Variants in MBNL1 observed in about 807,000 individuals in gnomAD.
MBNL1 encodes muscleblind like splicing regulator 1.
In MBNL1, 8 loss-of-function variants were observed where a neutral mutation model predicts 42.2. The ratio of observed to expected loss-of-function variants is 0.19; its 90% CI spans 0.11 to 0.34. The LOEUF (loss-of-function observed/expected upper bound fraction) is 0.34. Among genes scored for constraint, MBNL1 ranks in the 10% least tolerant of loss-of-function variants. The pLI is 1.00. For missense variants in MBNL1, 309 were observed against 495.3 expected (o/e 0.62, Z 3.57); for synonymous variants, 169 against 173.9 (o/e 0.97, Z 0.22).
At chr3:152,405,257 C>T (rs2686578) in intron 2 of MBNL1, among the ~76,000 whole-genome samples, 8,024 of 152,196 alleles carry the variant, frequency 0.053, 304 homozygotes, top group South Asian at 0.12. Context: ...CATATCCCTA[C>T]AGTAATGATT....
chr3:152,289,977 A>G (rs1053997796), intron 1 of MBNL1, among the ~76,000 whole-genome samples: 1 of 152,060 alleles, frequency 6.6e-6, no homozygotes, highest in African/African-American at 2.4e-5. Context: ...TTGTATTCTG[A>G]AAAATAATTA....
intron 2 of MBNL1, among the ~76,000 whole-genome samples, chr3:152,384,476 CTT>C (rs1269689958): frequency 6.6e-6 from 1 of 152,090 alleles, no homozygotes; most frequent in Non-Finnish European, 1.5e-5. Context: ...AAAAATCACA[CTT>C]GATTGCCATT....
At chr3:152,332,847 A>G (rs535807507) in intron 2 of MBNL1, among the ~76,000 whole-genome samples, 50 of 152,240 alleles carry the variant, frequency 3.3e-4, no homozygotes, top group African/African-American at 1.2e-3. Context: ...AACTAAAGAA[A>G]TAGCTTGGTT....
At position 152,456,354 on chromosome 3, in the gene MBNL1, C is replaced by T; in HGVS notation, c.1085C>T (p.Ala362Val). ...TSVPFAATAT[A>V]NQIPIISAEH... The stretch of plus-strand genomic sequence containing the variant: ...GTTCCCTTCGCTGCAACAGCCACAG[C>T]CAACCAGGTTTGCTAATTTACAGCT... The change falls in exon 8 of 10, where the codon GCC (alanine) becomes GTC (valine). Residue 362 changes from alanine (A) to valine (V), a missense_variant. By Grantham distance (64) the Ala-to-Val change is moderately conservative. Transcript: ENST00000324210. 6.2e-7 allele frequency: 1 copy of T among 1,613,740 alleles called. No individual in the cohort carries two copies. The highest frequency in any genetic ancestry group is 1.3e-5 in the African/African-American group (1 of 75,024).
At chr3:152,275,707 CAAAAAAAAAAAAAA>C (rs60796721) in intron 1 of MBNL1, among the ~76,000 whole-genome samples, 1 of 29,644 alleles carries the variant, frequency 3.4e-5, no homozygotes, top group African/African-American at 1.8e-4. Context: ...ACTCTTGTCT[CAAAAAAAAAAAAAA>C]AAAAAAAAAA....
At chr3:152,318,800 A>C (rs929757866) in intron 2 of MBNL1, among the ~76,000 whole-genome samples, 4 of 152,170 alleles carry the variant, frequency 2.6e-5, no homozygotes, top group African/African-American at 9.6e-5. Flanking sequence ...GAAGAACAGA[A>C]GTAAAATCAA....
At chr3:152,411,514 C>A (rs188691732) in intron 2 of MBNL1, among the ~76,000 whole-genome samples, 1 of 151,948 alleles carries the variant, frequency 6.6e-6, no homozygotes, top group Non-Finnish European at 1.5e-5. Context: ...AGCAAGACTC[C>A]GTCTCAAAAA....
chr3:152,351,388 C>T (rs757412348), intron 2 of MBNL1, among the ~76,000 whole-genome samples: 158 of 152,102 alleles, frequency 1.0e-3, no homozygotes, highest in Non-Finnish European at 1.9e-3. Flanking sequence ...TCTTACATAG[C>T]AAAAATAACT....
intron 2 of MBNL1, among the ~76,000 whole-genome samples, chr3:152,254,641 A>T (rs1334760908): frequency 6.6e-6 from 1 of 152,138 alleles, no homozygotes; most frequent in Non-Finnish European, 1.5e-5. Flanking sequence ...TTGTACATCC[A>T]AAATATCAAG....
chr3:152,334,898 T>C (rs977787696), intron 2 of MBNL1, among the ~76,000 whole-genome samples: 3 of 152,184 alleles, frequency 2.0e-5, no homozygotes, highest in African/African-American at 7.2e-5. Context: ...ATTTTCAGTA[T>C]GATCACAGGA....
chr3:152,452,330 GT>G (rs1251526603), intron 6 of MBNL1, among the ~76,000 whole-genome samples: 1 of 152,130 alleles, frequency 6.6e-6, no homozygotes, highest in East Asian at 1.9e-4. Context: ...GCTCTGAACT[GT>G]GATCTCTATC....
chr3:152,378,685 A>T (rs1255380298), intron 2 of MBNL1, among the ~76,000 whole-genome samples: 3 of 152,156 alleles, frequency 2.0e-5, no homozygotes, highest in Non-Finnish European at 4.4e-5. Flanking sequence ...TCATTATTGA[A>T]ACAGGAGTTT....
At chr3:152,314,875 G>A (rs539581654) in intron 2 of MBNL1, among the ~76,000 whole-genome samples, 12 of 152,228 alleles carry the variant, frequency 7.9e-5, no homozygotes, top group South Asian at 4.1e-4. Context: ...TCTTGACAGC[G>A]TCTGTAACTG....
chr3:152,353,597 T>A (rs2095272307), intron 2 of MBNL1, among the ~76,000 whole-genome samples: 1 of 152,066 alleles, frequency 6.6e-6, no homozygotes. Context: ...AAACATAAAT[T>A]CTATACTAAT....
At chr3:152,414,087 A>G (rs1354912897) in intron 2 of MBNL1, among the ~76,000 whole-genome samples, 1 of 152,168 alleles carries the variant, frequency 6.6e-6, no homozygotes, top group Admixed American at 6.5e-5. Flanking sequence ...CCATTATTTC[A>G]GTCCAGGCTA....
intron 2 of MBNL1, among the ~76,000 whole-genome samples, chr3:152,388,873 C>G (rs377218128): frequency 6.6e-6 from 1 of 152,118 alleles, no homozygotes; most frequent in African/African-American, 2.4e-5. Context: ...CACAATGAAT[C>G]ATGTTCTAAC....
chr3:152,289,459 CA>C (rs1470846964), intron 1 of MBNL1, among the ~76,000 whole-genome samples: 6 of 152,000 alleles, frequency 3.9e-5, no homozygotes, highest in Non-Finnish European at 8.8e-5. Flanking sequence ...TAGGAGTTGT[CA>C]ATGCATGTCT....
At position 152,459,273 on chromosome 3, in the gene MBNL1, A is replaced by G. The variant is rs1189051328; in HGVS notation, c.1095A>G (p.Ile365Met). 1.3e-6 allele frequency: 2 copies of G among 1,569,496 alleles called. No individual in the cohort carries two copies. Among genetic ancestry groups the G allele is most frequent in the Admixed American group, 3.7e-5 (2 of 54,378 alleles). ...PFAATATANQ[I>M]PIISAEHLTS... Reference sequence around the variant, plus strand: ...TTAAATAATTTTTTATTTGCTAGATACCCATAATATCTGCCGAACATCTGA... The same window carrying G: ...TTAAATAATTTTTTATTTGCTAGATGCCCATAATATCTGCCGAACATCTGA... Residue 365 changes from isoleucine (I) to methionine (M), a missense_variant and splice_region_variant, in exon 9 of 10, where the codon ATA becomes ATG. By Grantham distance (10) the Ile-to-Met change is conservative. Coordinates refer to ENST00000324210, the MANE Select transcript of MBNL1 (RefSeq NM_021038.5).
chr3:152,316,618 A>G (rs1317738319), intron 2 of MBNL1, among the ~76,000 whole-genome samples: 1 of 152,110 alleles, frequency 6.6e-6, no homozygotes, highest in Non-Finnish European at 1.5e-5. Context: ...CCTAGTTGGA[A>G]TTTCTAAATC....
Sources: allele counts gnomAD v4.1 joint callset (sites outside exome capture counted in the v4.1 genomes callset), GRCh38; gene constraint gnomAD v4.1.1; transcripts MANE v1.5; gene names NCBI Gene and HGNC (gene_info 2026-07-23, HGNC 2026-07-21).